ZZZ3: variants seen among roughly 807,000 people sequenced by gnomAD.
ZZZ3 encodes the protein zinc finger ZZ-type containing 3, also known as ZZ-type zinc finger-containing protein 3.
In ZZZ3, 22 loss-of-function variants were observed where a neutral mutation model predicts 95.2. That is an observed-to-expected ratio of 0.23 (90% CI 0.17 to 0.33). ZZZ3 has a LOEUF of 0.33. ZZZ3 is among the 10% of genes least tolerant of loss of function. The pLI is 1.00. For synonymous variants in ZZZ3, 335 were observed against 358.9 expected, an observed-to-expected ratio of 0.93 and a Z score of 0.75; for missense variants, 885 against 1,066.5, an observed-to-expected ratio of 0.83 and a Z score of 2.37.
chr1:77,608,619 TAACTGTG>T (rs1665478079), intron 5 of ZZZ3, among the ~76,000 whole-genome samples: 1 of 152,124 alleles, frequency 6.6e-6, no homozygotes, highest in African/African-American at 2.4e-5. Flanking sequence ...TATAACACTG[TAACTGTG>T]GTGTGTAAGC....
At chr1:77,645,963 T>A (rs1255117456) in intron 1 of ZZZ3, among the ~76,000 whole-genome samples, 6 of 135,290 alleles carry the variant, frequency 4.4e-5, no homozygotes, top group Middle Eastern at 9.3e-3. Flanking sequence ...AGAGCGAGAC[T>A]CCATCTCAAA....
chr1:77,617,546 T>A (rs185739760), intron 5 of ZZZ3, among the ~76,000 whole-genome samples: 121 of 152,320 alleles, frequency 7.9e-4, no homozygotes, highest in African/African-American at 2.7e-3. Context: ...TTGAACTGTT[T>A]CTACCTTTTG....
chr1:77,578,936 A>C (rs1228159676), intron 10 of ZZZ3, 67 bp from the exon 11 acceptor site: 1 of 893,298 alleles, frequency 1.1e-6, no homozygotes, highest in Non-Finnish European at 1.6e-6. Context: ...GTTTTTAAAA[A>C]TTAAAACGTA....
At chr1:77,625,849 A>C (rs1408400791) in intron 5 of ZZZ3, among the ~76,000 whole-genome samples, 1 of 151,228 alleles carries the variant, frequency 6.6e-6, no homozygotes, top group Non-Finnish European at 1.5e-5. Flanking sequence ...AAATACAAAA[A>C]CTAGCCGGGT....
rs952880597 is a variant in ZZZ3 at position 77,588,775 on chromosome 1, A to C, written c.1506-4120T>G. Among the ~76,000 whole-genome samples, 8 of 152,198 alleles carry C rather than the reference A, an allele frequency of 5.3e-5. No homozygotes were observed. The East Asian group carries it at 7.7e-4, about 15-fold the overall frequency. ...TCATAGTTATACCTTTTCCGTAAGG[A>C]TAGCTTTGTATTAAATCTATTAAAA... On this transcript the variant is annotated intron_variant, in intron 5 of 14. Coordinates refer to ENST00000370801, the MANE Select transcript of ZZZ3 (RefSeq NM_015534.6).
chr1:77,607,377 G>A (rs908726747), intron 5 of ZZZ3, among the ~76,000 whole-genome samples: 1 of 152,164 alleles, frequency 6.6e-6, no homozygotes, highest in African/African-American at 2.4e-5. Context: ...ACAATTCAAG[G>A]TGAGACTTGG....
chr1:77,654,894 C>T (rs1670133658), intron 1 of ZZZ3, among the ~76,000 whole-genome samples: 2 of 152,254 alleles, frequency 1.3e-5, no homozygotes, highest in South Asian at 2.1e-4. Flanking sequence ...AGCAATCCTC[C>T]CACCTTTGCC....
intron 1 of ZZZ3, among the ~76,000 whole-genome samples, chr1:77,651,040 T>C (rs1479621714): frequency 1.3e-5 from 2 of 152,122 alleles, no homozygotes; most frequent in Admixed American, 6.6e-5. Context: ...TCACACCATA[T>C]ACAAAAATTA....
At chr1:77,672,492 A>G (rs1389624392) in intron 1 of ZZZ3, among the ~76,000 whole-genome samples, 3 of 152,104 alleles carry the variant, frequency 2.0e-5, no homozygotes, top group Non-Finnish European at 4.4e-5. Flanking sequence ...TTGTCTGTTC[A>G]TTTTGTTTTT....
In ZZZ3 at chr1:77,576,211, T is replaced by G; in HGVS notation, c.2188A>C (p.Ser730Arg). Residue 730 changes from serine (S) to arginine (R), a missense_variant, in exon 12 of 15, where the codon AGC becomes CGC. Around this residue, in one of 5 missense-constraint regions of ZZZ3, gnomAD observed 221 missense variants for 247.8 expected, o/e 0.89. Coordinates refer to ENST00000370801, the MANE Select transcript of ZZZ3 (RefSeq NM_015534.6). Reference sequence around the variant, plus strand: ...TTATTAAGAGGGTGCTGTCGTCTGCTTGTTGAAGACTAAGTAAGAAAACAA... The same window carrying G: ...TTATTAAGAGGGTGCTGTCGTCTGCGTGTTGAAGACTAAGTAAGAAAACAA... ...LYIYSKKSST[S>R]RRQHPLNKHL... 1 of 1,593,798 alleles carries G rather than the reference T, an allele frequency of 6.3e-7. No individual in the cohort carries two copies. The highest frequency in any genetic ancestry group is 2.2e-5 in the East Asian group (1 of 44,620).
chr1:77,668,372 T>C (rs1348946425), intron 1 of ZZZ3, among the ~76,000 whole-genome samples: 1 of 152,142 alleles, frequency 6.6e-6, no homozygotes, highest in Non-Finnish European at 1.5e-5. Context: ...CTGGGAGGCA[T>C]GGAAAAGCAT....
At chr1:77,665,921 AT>A (rs1232286891) in intron 1 of ZZZ3, among the ~76,000 whole-genome samples, 1 of 152,136 alleles carries the variant, frequency 6.6e-6, no homozygotes, top group African/African-American at 2.4e-5. Context: ...CACGCCTGTA[AT>A]CTCCGCTACT....
chr1:77,620,204 G>A (rs1666711663), intron 5 of ZZZ3, among the ~76,000 whole-genome samples: 1 of 152,072 alleles, frequency 6.6e-6, no homozygotes, highest in African/African-American at 2.4e-5. Flanking sequence ...ATATGAGGAG[G>A]GCCTAGAATG....
At chr1:77,665,136 G>A (rs1023821336) in intron 1 of ZZZ3, among the ~76,000 whole-genome samples, 2 of 152,164 alleles carry the variant, frequency 1.3e-5, no homozygotes, top group Admixed American at 6.6e-5. Context: ...AACTTGATCT[G>A]GCAATAGAGT....
At position 77,632,377 on chromosome 1, in the gene ZZZ3, G is replaced by A. The variant is rs1667888461; in HGVS notation, c.978C>T (p.Ala326=). Residue 326 remains alanine, a synonymous_variant, in exon 5 of 15, where the codon GCC becomes GCT. Coordinates refer to ENST00000370801, the MANE Select transcript of ZZZ3 (RefSeq NM_015534.6). ...TGTTTTCTTTACACTGCTCTTTTGA[G>A]GCACTGCTATCTCCCACCACATCTA... is the stretch of plus-strand genomic sequence containing the variant. ...EEVDVVGDSS[A]SKEQCKENTN... is the part of the protein sequence containing the mutation. 6.2e-7 allele frequency: 1 copy of A among 1,613,970 alleles called. No homozygotes were observed. The highest frequency in any genetic ancestry group is 8.5e-7 in the Non-Finnish European group (1 of 1,180,012).
chr1:77,637,145 C>A (rs945799374), intron 4 of ZZZ3, among the ~76,000 whole-genome samples: 2 of 152,088 alleles, frequency 1.3e-5, no homozygotes, highest in Non-Finnish European at 2.9e-5. Context: ...GGCTAGTGAA[C>A]CCAGACAGAA....
chr1:77,675,360 T>C (rs1169745079), intron 1 of ZZZ3, among the ~76,000 whole-genome samples: 1 of 151,930 alleles, frequency 6.6e-6, no homozygotes, highest in African/African-American at 2.4e-5. Context: ...TAAAAACTAG[T>C]AAGGAGGGTA....
At chr1:77,600,228 C>G (rs979199811) in intron 5 of ZZZ3, among the ~76,000 whole-genome samples, 1 of 152,082 alleles carries the variant, frequency 6.6e-6, no homozygotes, top group African/African-American at 2.4e-5. Context: ...GTGTGGTTTA[C>G]ATAGAAGGCT....
intron 5 of ZZZ3, among the ~76,000 whole-genome samples, chr1:77,596,524 T>A (rs1664227010): frequency 6.6e-6 from 1 of 152,070 alleles, no homozygotes. Flanking sequence ...TATACAAATT[T>A]TTTAAAAGTT....
Sources: allele counts gnomAD v4.1 joint callset (sites outside exome capture counted in the v4.1 genomes callset), GRCh38; gene constraint gnomAD v4.1.1; regional missense constraint gnomAD v4.1.1; transcripts MANE v1.5; gene names NCBI Gene and HGNC (gene_info 2026-07-23, HGNC 2026-07-21).